The following FRY variants were observed in gnomAD, a reference collection of about 807,000 sequenced individuals.
FRY encodes the protein FRY microtubule binding protein, also known as protein furry homolog.
FRY carries 128 observed loss-of-function variants against 348.4 expected under a neutral mutation model. The observed-to-expected ratio is 0.37, with a 90% confidence interval of 0.32 to 0.43. FRY has a LOEUF of 0.43. Ranked by LOEUF, FRY falls within the 20% of genes least tolerant of loss-of-function variation. FRY has a pLI of 1.00. For synonymous variants in FRY, 1,370 were observed against 1,374.7 expected (o/e 1.00, Z 0.08); for missense variants, 2,736 against 3,695.2 (o/e 0.74, Z 6.73).
chr13:32,101,411 A>T (rs1217296600), intron 2 of FRY, among the ~76,000 whole-genome samples: 5 of 152,242 alleles, frequency 3.3e-5, no homozygotes, highest in Admixed American at 6.5e-5. Flanking sequence ...GGTTATTGTG[A>T]ATAATGCTGC....
intron 2 of FRY, among the ~76,000 whole-genome samples, chr13:32,099,108 T>C (rs1407878841): frequency 6.6e-6 from 1 of 151,988 alleles, no homozygotes; most frequent in Non-Finnish European, 1.5e-5. Context: ...TGAGAGGGTC[T>C]ATGTGAGCAG....
At chr13:32,157,467 A>G in intron 16 of FRY, 62 bp downstream of exon 16, 1 of 1,433,604 alleles carries the variant, frequency 7.0e-7, no homozygotes, top group Non-Finnish European at 9.8e-7. Flanking sequence ...AGTAGAGAGT[A>G]TTCTCATTTA....
chr13:32,093,076 C>G (rs2071410422), intron 2 of FRY, among the ~76,000 whole-genome samples: 1 of 152,204 alleles, frequency 6.6e-6, no homozygotes, highest in African/African-American at 2.4e-5. Flanking sequence ...ATTATCAACT[C>G]ATAGCCAATT....
At chr13:32,198,416 G>C (rs992507604) in intron 29 of FRY, among the ~76,000 whole-genome samples, 2 of 152,170 alleles carry the variant, frequency 1.3e-5, no homozygotes, top group African/African-American at 4.8e-5. Flanking sequence ...TAGGCAGAAA[G>C]GTCTGTTCCA....
chr13:32,212,420 T>C (rs1400435990), intron 35 of FRY, 38 bp downstream of exon 35: 2 of 1,193,904 alleles, frequency 1.7e-6, no homozygotes, highest in African/African-American at 3.0e-5. Context: ...CAGTGTAATG[T>C]TCTGCAATAA....
intron 56 of FRY, among the ~76,000 whole-genome samples, 188 bp from the exon 57 acceptor site, chr13:32,276,276 T>C (rs948569482): frequency 5.3e-5 from 8 of 152,232 alleles, no homozygotes; most frequent in Admixed American, 4.6e-4. Context: ...AGGTGTGCAT[T>C]ATCAAGCTCG....
Position 32,171,040 on chromosome 13 carries a change from C to A in FRY, c.1921C>A (p.Arg641=), listed in dbSNP as rs116459776. 1,144 of 1,608,456 alleles carry A rather than the reference C, an allele frequency of 7.1e-4. 6 individuals are homozygous for A. In the African/African-American group the frequency reaches 0.014, roughly 20 times the overall value. The stretch of plus-strand genomic sequence containing the variant: ...CTCTATTCATATGGATGATGAATTG[C>A]GACATATTGCACAAAATTCTCTTCA... ...RLSIHMDDEL[R]HIAQNSLQGL... The change falls in exon 18 of 61, where the codon CGA becomes AGA. Residue 641 remains arginine (R), a synonymous_variant. Transcript: ENST00000542859.
At position 32,254,263 on chromosome 13, in the gene FRY, C is replaced by A. The variant is rs762949807; in HGVS notation, c.7285C>A (p.His2429Asn). 3 of 1,613,898 alleles carry A rather than the reference C, an allele frequency of 1.9e-6. No individual in the cohort carries two copies. The African/African-American group carries it at 4.0e-5, about 22-fold the overall frequency. The change falls in exon 51 of 61, where the codon CAC (histidine) becomes AAC (asparagine). Residue 2429 changes from histidine to asparagine, a missense_variant. By Grantham distance (68) the His-to-Asn change is moderately conservative. This residue lies in a region of FRY where 789 missense variants were observed against 996.2 expected (regional missense o/e 0.79). Transcript: ENST00000542859. ...SSCGDLDLLE[H>N]QTSLVSSEDG... Reference sequence around the variant, plus strand: ...GTGTGGGGATCTGGATCTGCTTGAGCACCAGACAAGCTTGGTATCTTCTGA... The same window carrying A: ...GTGTGGGGATCTGGATCTGCTTGAGAACCAGACAAGCTTGGTATCTTCTGA...
At position 32,262,495 on chromosome 13, in the gene FRY, G is replaced by A; in HGVS notation, c.7779+20G>A. The stretch of plus-strand genomic sequence containing the variant: ...TCAAAGGTGAAGAGATTTTAACAAT[G>A]ATGATTTGTACTTCCCTTAAAACCC... On this transcript the variant is annotated intron_variant, in intron 53 of 60. Coordinates refer to ENST00000542859, the MANE Select transcript of FRY (RefSeq NM_023037.3). The A allele has an allele frequency of 6.3e-7, 1 of 1,596,802 alleles. No homozygotes were observed. The highest frequency in any genetic ancestry group is 1.3e-5 in the African/African-American group (1 of 74,618).
At position 32,147,890 on chromosome 13, in the gene FRY, G is replaced by C; in HGVS notation, c.1335G>C (p.Val445=). 1 of 1,611,654 alleles carries C rather than the reference G, an allele frequency of 6.2e-7. No individual in the cohort carries two copies. Among genetic ancestry groups the C allele is most frequent in the Non-Finnish European group, 8.5e-7 (1 of 1,177,738 alleles). ...TTTTCCCCAAAGGGTCCCGCGGTGT[G>C]GTACCAAGGGACATGCCTCTGAACA... ...TTLFPKGSRG[V]VPRDMPLNIF... is the part of the protein sequence containing the mutation. The change falls in exon 13 of 61, where the codon GTG becomes GTC. Residue 445 remains valine, a synonymous_variant. Coordinates refer to ENST00000542859, the MANE Select transcript of FRY (RefSeq NM_023037.3).
rs538056557 is a variant in FRY at position 32,060,332 on chromosome 13, G to T, written c.71-18502G>T. 1.2e-4 allele frequency among the ~76,000 whole-genome samples: 18 copies of T among 152,276 alleles called. No individual in the cohort carries two copies. The East Asian group carries it at 1.3e-3, about 11-fold the overall frequency. On this transcript the variant is annotated intron_variant, in intron 1 of 60. Coordinates refer to ENST00000542859, the MANE Select transcript of FRY (RefSeq NM_023037.3). ...ATTCTCCAATATTGGCTCCATCTTGGTTTTATAAATGAAGTTTTTAACAAG... is the reference window on the plus strand; with the variant it reads ...ATTCTCCAATATTGGCTCCATCTTGTTTTTATAAATGAAGTTTTTAACAAG...
intron 31 of FRY, among the ~76,000 whole-genome samples, chr13:32,207,181 A>G (rs1884401972): frequency 6.6e-6 from 1 of 152,178 alleles, no homozygotes. Context: ...AAGTCCATAG[A>G]TTTTTATACC....
intron 58 of FRY, among the ~76,000 whole-genome samples, chr13:32,281,160 G>A (rs1888789539): frequency 6.6e-6 from 1 of 152,134 alleles, no homozygotes; most frequent in East Asian, 1.9e-4. Flanking sequence ...TGACAACTCT[G>A]TTAGCATTAC....
rs142714984 is a variant in FRY at position 32,192,668 on chromosome 13, T to C, written c.3592-1475T>C. On this transcript the variant is annotated intron_variant, in intron 28 of 60. Transcript: ENST00000542859. ...GTAAAAAAACATGAAGAAGCCAGAA[T>C]CTTGCCTTTTCCACCTGGTTTCAAC... Among the ~76,000 whole-genome samples the C allele has an allele frequency of 4.6e-3, 699 of 151,786 alleles. 9 individuals carry two copies. The highest frequency in any genetic ancestry group is 0.016 in the African/African-American group (669 of 41,408).
rs1882204448 is a variant in FRY at position 32,173,407 on chromosome 13, G to A, written c.2192G>A (p.Arg731Gln). ...NGSSHRIQSERGPHCSVLHAV... is the reference protein window; with the variant it reads ...NGSSHRIQSEQGPHCSVLHAV... Reference sequence around the variant, plus strand: ...TCCAGTCACAGAATTCAGTCGGAACGAGGTCCCCACTGCAGTGTACTCCAC... The same window carrying A: ...TCCAGTCACAGAATTCAGTCGGAACAAGGTCCCCACTGCAGTGTACTCCAC... Residue 731 changes from arginine (R) to glutamine (Q), a missense_variant, in exon 19 of 61, where the codon CGA becomes CAA. Transcript: ENST00000542859. 4 of 1,612,342 alleles carry A rather than the reference G, an allele frequency of 2.5e-6. No homozygotes were observed. The highest frequency in any genetic ancestry group is 3.4e-6 in the Non-Finnish European group (4 of 1,179,780).
intron 11 of FRY, among the ~76,000 whole-genome samples, chr13:32,145,591 G>A (rs892544933): frequency 1.5e-5 from 2 of 137,738 alleles, no homozygotes; most frequent in African/African-American, 5.7e-5. Context: ...AGGCCGGACT[G>A]CGGACTGCAG....
intron 4 of FRY, among the ~76,000 whole-genome samples, chr13:32,123,469 G>T (rs758695155): frequency 2.6e-5 from 4 of 152,174 alleles, no homozygotes; most frequent in Admixed American, 6.5e-5. Flanking sequence ...TAAGAGAAAA[G>T]GGACAGGGAA....
intron 1 of FRY, among the ~76,000 whole-genome samples, chr13:32,047,450 G>A (rs1218467274): frequency 6.6e-6 from 1 of 152,216 alleles, no homozygotes; most frequent in Non-Finnish European, 1.5e-5. Flanking sequence ...ATCCAAGATA[G>A]AATGTGTTCC....
chr13:32,254,543 A>G (rs1887240510), intron 51 of FRY, 149 bp downstream of exon 51: 2 of 905,282 alleles, frequency 2.2e-6, no homozygotes, highest in South Asian at 2.9e-5. Context: ...TATTCAAAGT[A>G]CAGCAGCTAA....
Sources: allele counts gnomAD v4.1 joint callset (sites outside exome capture counted in the v4.1 genomes callset), GRCh38; gene constraint gnomAD v4.1.1; regional missense constraint gnomAD v4.1.1; transcripts MANE v1.5; gene names NCBI Gene and HGNC (gene_info 2026-07-23, HGNC 2026-07-21).